The following SLC35F3 variants were observed in gnomAD, a reference collection of about 807,000 sequenced individuals.
SLC35F3 encodes the protein solute carrier family 35 member F3, also known as putative thiamine transporter SLC35F3.
In SLC35F3, 25 loss-of-function variants were observed where a neutral mutation model predicts 49.9. The observed-to-expected ratio is 0.50, with a 90% confidence interval of 0.37 to 0.70. The LOEUF is 0.70. Ranked by LOEUF, SLC35F3 falls within the 30% of genes least tolerant of loss-of-function variation. The pLI is 0.00. For synonymous variants in SLC35F3, 275 were observed against 265.4 expected (o/e 1.04, Z -0.35); for missense variants, 525 against 639.8 (o/e 0.82, Z 1.94).
intron 2 of SLC35F3, among the ~76,000 whole-genome samples, chr1:234,221,343 T>C (rs1667201537): frequency 6.6e-6 from 1 of 152,036 alleles, no homozygotes; most frequent in Non-Finnish European, 1.5e-5. Flanking sequence ...GAAAGAAAGA[T>C]GATTGATGCA....
At chr1:234,277,783 G>A (rs917143384) in intron 3 of SLC35F3, among the ~76,000 whole-genome samples, 1 of 152,226 alleles carries the variant, frequency 6.6e-6, no homozygotes, top group Admixed American at 6.5e-5. Flanking sequence ...AAACAAGACT[G>A]ATGGTTTTAT....
At chr1:234,120,974 G>A (rs533930074) in intron 2 of SLC35F3, among the ~76,000 whole-genome samples, 1 of 152,044 alleles carries the variant, frequency 6.6e-6, no homozygotes, top group African/African-American at 2.4e-5. Context: ...GTCTCTTTTG[G>A]ATTCAAGCAT....
intron 2 of SLC35F3, among the ~76,000 whole-genome samples, chr1:234,038,534 G>C (rs529445914): frequency 6.6e-6 from 1 of 151,978 alleles, no homozygotes; most frequent in Non-Finnish European, 1.5e-5. Flanking sequence ...CTGAGGAATC[G>C]CCACACTGAC....
At chr1:234,199,322 G>A (rs1037857543) in intron 2 of SLC35F3, among the ~76,000 whole-genome samples, 6 of 143,502 alleles carry the variant, frequency 4.2e-5, no homozygotes, top group African/African-American at 1.8e-4. Context: ...ATAAAGCCCA[G>A]AAGTAAACCC....
Position 233,972,622 on chromosome 1 carries a change from G to A in SLC35F3, c.283+66864G>A, listed in dbSNP as rs186377546. Among the ~76,000 whole-genome samples the A allele has an allele frequency of 1.7e-3, 256 of 152,108 alleles. 1 individual carries two copies. The highest frequency in any genetic ancestry group is 6.8e-3 in the Middle Eastern group (2 of 294). Reference sequence around the variant, plus strand: ...TTTAGGATAGAGCCTGGCACATGGCGAGCCTGGTAAATCATGGTTATTATC... The same window carrying A: ...TTTAGGATAGAGCCTGGCACATGGCAAGCCTGGTAAATCATGGTTATTATC... On this transcript the variant is annotated intron_variant, in intron 2 of 7. Coordinates refer to ENST00000366618, the MANE Select transcript of SLC35F3 (RefSeq NM_173508.4).
intron 5 of SLC35F3, among the ~76,000 whole-genome samples, chr1:234,317,279 G>A (rs1657514783): frequency 1.3e-5 from 2 of 152,176 alleles, no homozygotes; most frequent in South Asian, 4.2e-4. Flanking sequence ...CCATGGGAAA[G>A]CACTTGCCAG....
intron 2 of SLC35F3, among the ~76,000 whole-genome samples, chr1:234,191,304 C>T (rs1666726813): frequency 6.6e-6 from 1 of 152,242 alleles, no homozygotes; most frequent in South Asian, 2.1e-4. Flanking sequence ...AACTTCAAAA[C>T]CATGCAAATA....
At chr1:234,243,925 G>A (rs1173136673) in intron 3 of SLC35F3, among the ~76,000 whole-genome samples, 2 of 152,206 alleles carry the variant, frequency 1.3e-5, no homozygotes, top group Admixed American at 1.3e-4. Flanking sequence ...CCACTTCCCT[G>A]TTCCACTGGC....
At chr1:234,001,622 G>A (rs1663555026) in intron 2 of SLC35F3, among the ~76,000 whole-genome samples, 1 of 152,192 alleles carries the variant, frequency 6.6e-6, no homozygotes, top group Non-Finnish European at 1.5e-5. Flanking sequence ...CAACAGAAGT[G>A]ACCAGGGGTA....
chr1:233,960,114 GGTGTGGGT>G (rs1662770491), intron 2 of SLC35F3, among the ~76,000 whole-genome samples: 1 of 152,208 alleles, frequency 6.6e-6, no homozygotes, highest in Non-Finnish European at 1.5e-5. Flanking sequence ...TGTCTGTCTA[GGTGTGGGT>G]TCCATTCTCA....
chr1:234,105,639 G>A (rs182563120), intron 2 of SLC35F3, among the ~76,000 whole-genome samples: 143 of 152,300 alleles, frequency 9.4e-4, no homozygotes, highest in African/African-American at 3.3e-3. Context: ...GAGCTGGACA[G>A]TAACTGAATG....
At chr1:233,935,189 CTTTTTTTTTT>C (rs35418747) in intron 2 of SLC35F3, among the ~76,000 whole-genome samples, 20 of 50,310 alleles carry the variant, frequency 4.0e-4, no homozygotes, top group South Asian at 1.3e-3. Context: ...TTTCCTTGCC[CTTTTTTTTTT>C]TTTTTTTTTT....
chr1:233,926,958 C>T (rs1202871763), intron 2 of SLC35F3, among the ~76,000 whole-genome samples: 1 of 152,140 alleles, frequency 6.6e-6, no homozygotes, highest in Non-Finnish European at 1.5e-5. Context: ...CTGGGTATCA[C>T]CAGCGGAGGC....
chr1:234,322,999 C>T lies in SLC35F3; in HGVS notation c.1238-9C>T. On this transcript the variant is annotated splice_polypyrimidine_tract_variant and intron_variant, in intron 7 of 7. Transcript: ENST00000366618. ...CAGCTGAGAAACCTCCATGCTCTGTCTCCCACAGTGATTGATCACTACACC... is the reference window on the plus strand; with the variant it reads ...CAGCTGAGAAACCTCCATGCTCTGTTTCCCACAGTGATTGATCACTACACC... 1.2e-6 allele frequency: 2 copies of T among 1,612,164 alleles called. No individual in the cohort carries two copies. The highest frequency in any genetic ancestry group is 2.2e-5 in the South Asian group (2 of 91,006).
At chr1:234,023,840 G>T (rs1358256976) in intron 2 of SLC35F3, among the ~76,000 whole-genome samples, 1 of 150,518 alleles carries the variant, frequency 6.6e-6, no homozygotes, top group African/African-American at 2.4e-5. Context: ...AATACAGAAA[G>T]CCCAGTTGAA....
At chr1:233,925,626 A>G (rs1309767776) in intron 2 of SLC35F3, among the ~76,000 whole-genome samples, 1 of 152,150 alleles carries the variant, frequency 6.6e-6, no homozygotes, top group Non-Finnish European at 1.5e-5. Flanking sequence ...CATTTAGCCC[A>G]TTTACATTCA....
At chr1:234,105,698 A>G (rs1335558550) in intron 2 of SLC35F3, among the ~76,000 whole-genome samples, 1 of 152,256 alleles carries the variant, frequency 6.6e-6, no homozygotes, top group African/African-American at 2.4e-5. Context: ...TACTCTGTAT[A>G]TAGGAAGAGA....
chr1:234,237,863 G>T (rs917239030), intron 3 of SLC35F3, among the ~76,000 whole-genome samples: 2 of 152,074 alleles, frequency 1.3e-5, no homozygotes, highest in African/African-American at 4.8e-5. Context: ...CTTCGTTATT[G>T]TTATTGTATT....
chr1:233,978,167 GA>G (rs936662175), intron 2 of SLC35F3, among the ~76,000 whole-genome samples: 42 of 150,876 alleles, frequency 2.8e-4, no homozygotes, highest in African/African-American at 7.5e-4. Flanking sequence ...TCTGAAGAAG[GA>G]AAAAAAAAGG....
Sources: allele counts gnomAD v4.1 joint callset (sites outside exome capture counted in the v4.1 genomes callset), GRCh38; gene constraint gnomAD v4.1.1; transcripts MANE v1.5; gene names NCBI Gene and HGNC (gene_info 2026-07-23, HGNC 2026-07-21).